Variants in STK32B observed in about 807,000 individuals in gnomAD.
STK32B encodes the protein serine/threonine kinase 32B.
STK32B carries 43 observed loss-of-function variants against 52.6 expected under a neutral mutation model. The observed-to-expected ratio is 0.82, with a 90% CI of 0.64 to 1.05. The LOEUF (loss-of-function observed/expected upper bound fraction) is 1.05, where lower values mean the gene tolerates loss of function less well. Among genes scored for constraint, STK32B ranks in the 50% least tolerant of loss-of-function variants. The pLI, the probability that STK32B is intolerant of heterozygous loss-of-function variation, is 0.00. For missense variants in STK32B, 621 were observed against 534.6 expected (o/e 1.16, Z -1.59); for synonymous variants, 238 against 204.3 (o/e 1.17, Z -1.41).
At position 5,394,769 on chromosome 4, in the gene STK32B, C is replaced by T. The variant is rs1736778720; in HGVS notation, c.435-3438C>T. On this transcript the variant is annotated intron_variant, in intron 4 of 11. Transcript: ENST00000282908. This position sits in a 1 kb window ranked among gnomAD's most constrained non-coding sequence, Gnocchi z 4.2. ...ACAGTGAGATGGCTGTTGCTGTTCC[C>T]ATTTCCCAAATGAGGAAAACAAGGC... Among the ~76,000 whole-genome samples, 2 of 152,202 alleles carry T rather than the reference C, an allele frequency of 1.3e-5. No individual in the cohort carries two copies. Among genetic ancestry groups the T allele is most frequent in the Admixed American group, 6.5e-5 (1 of 15,276 alleles).
chr4:5,170,496 T>A (rs1719281039), intron 3 of STK32B, among the ~76,000 whole-genome samples: 1 of 152,002 alleles, frequency 6.6e-6, no homozygotes, highest in Admixed American at 6.6e-5. Context: ...AGTGTGATGT[T>A]CCCCTTCCTG....
At chr4:5,312,812 T>C (rs969748405) in intron 3 of STK32B, among the ~76,000 whole-genome samples, 1 of 152,022 alleles carries the variant, frequency 6.6e-6, no homozygotes, top group Non-Finnish European at 1.5e-5. Context: ...AGTAATGGGA[T>C]GGCTGGGTCA....
rs149501017 is a variant in STK32B, at chr4:5,370,984, A to ATGTGTGTGTGTG, written c.435-27221_435-27210dup. ...CAAGACACTATCTAAATATATATATATGTGTGTGTGTGTATATATATATAT... is the reference window on the plus strand; with the variant it reads ...CAAGACACTATCTAAATATATATATATGTGTGTGTGTGTGTGTGTGTGTGTATATATATATAT... On this transcript the variant is annotated intron_variant, in intron 4 of 11. Coordinates refer to ENST00000282908, the MANE Select transcript of STK32B (RefSeq NM_018401.3). Among the ~76,000 whole-genome samples the ATGTGTGTGTGTG allele has an allele frequency of 3.1e-3, 456 of 145,356 alleles. 7 individuals carry two copies. The highest frequency in any genetic ancestry group is 0.018 in the Middle Eastern group (5 of 272).
At chr4:5,032,140 A>C in the STK32B span, among the ~76,000 whole-genome samples, 3 of 151,690 alleles carry the variant, frequency 2.0e-5, no homozygotes, top group African/African-American at 7.3e-5. Flanking sequence ...ACTTGAGACT[A>C]GTAGCCAGTT....
intron 1 of STK32B, among the ~76,000 whole-genome samples, chr4:5,113,132 G>A (rs1043660525): frequency 6.6e-6 from 1 of 152,112 alleles, no homozygotes; most frequent in African/African-American, 2.4e-5. Context: ...GGTGTTAGGA[G>A]GTGGGGGCCT....
At chr4:5,458,626 A>C (rs16837307) in intron 8 of STK32B, 23,871 of 152,430 alleles carry the variant, frequency 0.16, 2,140 homozygotes, top group East Asian at 0.35. Flanking sequence ...CTTTAAAGGA[A>C]ATCCACCACC....
At chr4:5,026,482 G>T in the STK32B span, among the ~76,000 whole-genome samples, 2 of 152,164 alleles carry the variant, frequency 1.3e-5, no homozygotes, top group African/African-American at 4.8e-5. Context: ...CGAGCAAAGG[G>T]GGAATCCCCT....
At chr4:5,331,644 T>A (rs1732258852) in intron 4 of STK32B, among the ~76,000 whole-genome samples, 1 of 152,158 alleles carries the variant, frequency 6.6e-6, no homozygotes, top group South Asian at 2.1e-4. Context: ...TCTTCTCTGC[T>A]CCAGTATGCC....
intron 11 of STK32B, among the ~76,000 whole-genome samples, chr4:5,490,353 C>A (rs548431857): frequency 3.9e-4 from 59 of 152,038 alleles, no homozygotes; most frequent in African/African-American, 1.4e-3. Flanking sequence ...GTGATCCACC[C>A]ACCTCAGCCT....
chr4:5,096,305 C>T (rs2108788470), intron 1 of STK32B, among the ~76,000 whole-genome samples: 1 of 152,264 alleles, frequency 6.6e-6, no homozygotes, highest in East Asian at 1.9e-4. Flanking sequence ...CTGCACTTTC[C>T]TGTTAAAAAA....
intron 9 of STK32B, among the ~76,000 whole-genome samples, chr4:5,465,123 A>G (rs1238979878): frequency 6.6e-6 from 1 of 152,184 alleles, no homozygotes; most frequent in Non-Finnish European, 1.5e-5. Flanking sequence ...CCCAGCCTCT[A>G]GGACTGAGAA....
chr4:5,234,663 A>AT (rs1421592649), intron 3 of STK32B, among the ~76,000 whole-genome samples: 3 of 152,134 alleles, frequency 2.0e-5, no homozygotes, highest in Non-Finnish European at 4.4e-5. Context: ...TTTGTTGTTT[A>AT]TTTTTTCTGA....
At chr4:5,315,473 A>G (rs567105007) in intron 3 of STK32B, among the ~76,000 whole-genome samples, 1 of 151,880 alleles carries the variant, frequency 6.6e-6, no homozygotes, top group South Asian at 2.1e-4. Flanking sequence ...AGTAATTAAT[A>G]TGCATAAACT....
intron 1 of STK32B, among the ~76,000 whole-genome samples, chr4:5,126,163 C>G (rs897624785): frequency 6.6e-6 from 1 of 152,168 alleles, no homozygotes; most frequent in African/African-American, 2.4e-5. Flanking sequence ...ACAGAGAAGG[C>G]CTTACTATTG....
the STK32B span, among the ~76,000 whole-genome samples, chr4:5,027,190 T>C: frequency 6.6e-6 from 1 of 152,228 alleles, no homozygotes; most frequent in Admixed American, 6.5e-5. Flanking sequence ...GCTTTTGCTC[T>C]TGGCAAACCC....
At chr4:5,203,221 C>G (rs1249269137) in intron 3 of STK32B, among the ~76,000 whole-genome samples, 3 of 152,220 alleles carry the variant, frequency 2.0e-5, no homozygotes, top group African/African-American at 7.2e-5. Context: ...CATCCCCCAT[C>G]TCATCTTTCT....
chr4:5,465,294 C>A (rs898219805), intron 9 of STK32B, among the ~76,000 whole-genome samples: 6 of 152,112 alleles, frequency 3.9e-5, no homozygotes, highest in African/African-American at 1.4e-4. Context: ...GCACTAGTGC[C>A]CTCATCTTAC....
At chr4:5,180,999 G>C (rs779798064) in intron 3 of STK32B, among the ~76,000 whole-genome samples, 4 of 152,154 alleles carry the variant, frequency 2.6e-5, no homozygotes, top group Non-Finnish European at 4.4e-5. Flanking sequence ...CAGAGAGTGA[G>C]GGTGTCCCAT....
chr4:5,208,944 C>T (rs1266957388), intron 3 of STK32B, among the ~76,000 whole-genome samples: 1 of 152,244 alleles, frequency 6.6e-6, no homozygotes, highest in Non-Finnish European at 1.5e-5. Flanking sequence ...CAGTGGGCTT[C>T]ATCAGTGATT....
Sources: gnomAD v4.1 joint callset for allele counts (sites outside exome capture counted in the v4.1 genomes callset) on GRCh38, gnomAD v4.1.1 for gene constraint, Gnocchi (gnomAD v3.1) non-coding constraint, MANE v1.5 for transcripts, NCBI Gene and HGNC (gene_info 2026-07-23, HGNC 2026-07-21) for gene names.